ZNF843: variants seen among roughly 807,000 people sequenced by gnomAD.
ZNF843 encodes the protein zinc finger protein 843.
For synonymous variants in ZNF843, 185 were observed against 207.7 expected (o/e 0.89, Z 0.94); for missense variants, 482 against 469.4 (o/e 1.03, Z -0.25).
intron 1 of ZNF843, among the ~76,000 whole-genome samples, chr16:31,439,935 C>G (rs776603397): frequency 4.6e-5 from 7 of 152,168 alleles, no homozygotes; most frequent in Non-Finnish European, 1.0e-4. Flanking sequence ...AGATGTAACA[C>G]AGGTAGACAG....
At chr16:31,441,713 T>C (rs2082201702) in intron 1 of ZNF843, among the ~76,000 whole-genome samples, 1 of 151,984 alleles carries the variant, frequency 6.6e-6, no homozygotes, top group Non-Finnish European at 1.5e-5. Context: ...TCTCCAACTC[T>C]TGGGCTCAAG....
chr16:31,436,474 A>C lies in ZNF843; in HGVS notation c.376T>G (p.Trp126Gly), dbSNP rs1380342020. The C allele has an allele frequency of 1.5e-5, 24 of 1,551,542 alleles. No homozygotes were observed. Among genetic ancestry groups the C allele is most frequent in the Non-Finnish European group, 2.1e-5 (24 of 1,146,922 alleles). The change falls in exon 2 of 2, where the codon TGG (tryptophan) becomes GGG (glycine). Residue 126 changes from tryptophan (W) to glycine (G), a missense_variant. Transcript: ENST00000315678. ...GGCCGATCAGCTTCCACCGGTCCCC[A>C]AAAACCTGCTGGTACTGGGGACAGA... ...LRLSPVPAGF[W>G]GPVEADRPPA...
chr16:31,437,409 T>A (rs1436064284), intron 1 of ZNF843, among the ~76,000 whole-genome samples: 2 of 144,988 alleles, frequency 1.4e-5, no homozygotes, highest in African/African-American at 5.1e-5. Context: ...GCTCAAGTGA[T>A]CCTCCCGCTT....
chr16:31,440,060 T>G (rs2082196055), intron 1 of ZNF843, among the ~76,000 whole-genome samples: 1 of 152,220 alleles, frequency 6.6e-6, no homozygotes, highest in East Asian at 1.9e-4. Flanking sequence ...GGTACTATTC[T>G]AAGAGTTTCC....
chr16:31,435,822 G>A lies in ZNF843; in HGVS notation c.1028C>T (p.Ser343Phe), dbSNP rs1182634761. 5 of 1,460,336 alleles carry A rather than the reference G, an allele frequency of 3.4e-6. No homozygotes were observed. The highest frequency in any genetic ancestry group is 3.6e-6 in the Non-Finnish European group (4 of 1,101,524). 90.5% of individuals were successfully genotyped at this position (1,460,336 alleles called of 1,614,324 possible). ...FPVWKASSRR[S>F]NLARH ...GGTTCTTCAGTGTCGGGCCAGGTTG[G>A]ACCTCCGGCTGGAGGCCTTCCACAC... Residue 343 changes from serine to phenylalanine, a missense_variant, in exon 2 of 2, where the codon TCC becomes TTC. Coordinates refer to ENST00000315678, the MANE Select transcript of ZNF843 (RefSeq NM_001136509.3).
chr16:31,435,980 C>G lies in ZNF843; in HGVS notation c.870G>C (p.Glu290Asp). Residue 290 changes from glutamate (E) to aspartate (D), a missense_variant, in exon 2 of 2, where the codon GAG (glutamate) becomes GAC (aspartate). Coordinates refer to ENST00000315678, the MANE Select transcript of ZNF843 (RefSeq NM_001136509.3). Reference sequence around the variant, plus strand: ...TGTGCTGCGAGGCCTTCCGGGCTGGCTCAGGGTAGCCTGGGGCCTGAACCG... The same window carrying G: ...TGTGCTGCGAGGCCTTCCGGGCTGGGTCAGGGTAGCCTGGGGCCTGAACCG... ...REAVQAPGYP[E>D]PARKASQHRA... The G allele has an allele frequency of 6.6e-7, 1 of 1,524,590 alleles. No individual in the cohort carries two copies. The highest frequency in any genetic ancestry group is 8.8e-7 in the Non-Finnish European group (1 of 1,132,674). The allele number at this position is 1,524,590 out of a possible 1,614,324, so 94.4% of individuals were successfully genotyped here.
chr16:31,441,773 C>T (rs962502207), intron 1 of ZNF843, among the ~76,000 whole-genome samples: 6 of 152,152 alleles, frequency 3.9e-5, no homozygotes, highest in African/African-American at 1.4e-4. Flanking sequence ...AGACGTGAGC[C>T]GCAGCGCCCG....
chr16:31,440,376 T>C lies in ZNF843; in HGVS notation c.-336+2260A>G, dbSNP rs558296758. On this transcript the variant is annotated intron_variant, in intron 1 of 1. Transcript: ENST00000315678. ...ATGCATTTTAACTACTCCATAATCA[T>C]AGTTTAGACACAGAGCAAGAGGAAG... Among the ~76,000 whole-genome samples, 6 of 152,344 alleles carry C rather than the reference T, an allele frequency of 3.9e-5. No individual in the cohort carries two copies. In the East Asian group the frequency reaches 9.6e-4, roughly 24 times the overall value.
Position 31,436,066 on chromosome 16 carries a change from G to T in ZNF843, c.784C>A (p.Gln262Lys), listed in dbSNP as rs772155511. The T allele has an allele frequency of 1.3e-6, 2 of 1,548,532 alleles. No individual in the cohort carries two copies. The highest frequency in any genetic ancestry group is 1.7e-6 in the Non-Finnish European group (2 of 1,145,682). ...QVPPATQPAA[Q>K]QEGAMGPRSC... Reference sequence around the variant, plus strand: ...CTGGGCCCCATCGCCCCCTCCTGCTGAGCTGCCGGCTGGGTGGCTGGCGGA... The same window carrying T: ...CTGGGCCCCATCGCCCCCTCCTGCTTAGCTGCCGGCTGGGTGGCTGGCGGA... The change falls in exon 2 of 2, where the codon CAG becomes AAG. Residue 262 changes from glutamine to lysine, a missense_variant. Physicochemically the swap from Gln to Lys is moderately conservative, Grantham distance 53. Coordinates refer to ENST00000315678, the MANE Select transcript of ZNF843 (RefSeq NM_001136509.3).
intron 1 of ZNF843, among the ~76,000 whole-genome samples, 171 bp downstream of exon 1, chr16:31,442,465 C>A (rs2082204844): frequency 6.6e-6 from 1 of 152,170 alleles, no homozygotes; most frequent in South Asian, 2.1e-4. Context: ...GGACCACAGG[C>A]GTCCGCCACC....
chr16:31,436,566 C>T lies in ZNF843; in HGVS notation c.284G>A (p.Arg95Gln), dbSNP rs1054175952. The T allele has an allele frequency of 1.3e-6, 2 of 1,550,286 alleles. No individual in the cohort carries two copies. Among genetic ancestry groups the T allele is most frequent in the Non-Finnish European group, 8.7e-7 (1 of 1,146,048 alleles). The change falls in exon 2 of 2, where the codon CGG becomes CAG. Residue 95 changes from arginine to glutamine, a missense_variant. Physicochemically the swap from Arg to Gln is conservative, Grantham distance 43 (BLOSUM62 1). Coordinates refer to ENST00000315678, the MANE Select transcript of ZNF843 (RefSeq NM_001136509.3). ...GCAGAGCTGGCCGCTAAACCCTTGC[C>T]GCACTCCCGCAGACGAATGGCTTCT... ...LGRSHSSAGV[R>Q]QGFSGQLCCW... is the part of the protein sequence containing the mutation.
At chr16:31,438,209 C>A (rs1469345685) in intron 1 of ZNF843, among the ~76,000 whole-genome samples, 1 of 152,064 alleles carries the variant, frequency 6.6e-6, no homozygotes, top group Non-Finnish European at 1.5e-5. Context: ...CAAACACAAA[C>A]CATCAAAAAG....
intron 1 of ZNF843, among the ~76,000 whole-genome samples, chr16:31,437,601 C>T (rs560792627): frequency 1.3e-5 from 2 of 149,270 alleles, no homozygotes; most frequent in East Asian, 3.9e-4. Context: ...CTACCATGCC[C>T]GGCCTCCTAT....
Position 31,436,442 on chromosome 16 carries a change from C to T in ZNF843, c.408G>A (p.Ala136=), listed in dbSNP as rs1241733220. ...WGPVEADRPP[A]NSHRRVCPFC... ...AGGGACACACTCTCCTGTGTGAATT[C>T]GCTGGTGGCCGATCAGCTTCCACCG... is the stretch of plus-strand genomic sequence containing the variant. Residue 136 remains alanine (A), a synonymous_variant, in exon 2 of 2, where the codon GCG becomes GCA. Transcript: ENST00000315678. 2.6e-6 allele frequency: 4 copies of T among 1,551,540 alleles called. No homozygotes were observed. Among genetic ancestry groups the T allele is most frequent in the Admixed American group, 2.0e-5 (1 of 50,984 alleles).
chr16:31,438,497 A>C (rs1348323742), intron 1 of ZNF843, among the ~76,000 whole-genome samples: 1 of 152,022 alleles, frequency 6.6e-6, no homozygotes, highest in African/African-American at 2.4e-5. Flanking sequence ...ATTTTCCATT[A>C]CTTGGAAATG....
rs2142882106 is a variant in ZNF843, at chr16:31,436,116, A to G, written c.734T>C (p.Leu245Pro). The change falls in exon 2 of 2, where the codon CTG becomes CCG. Residue 245 changes from leucine to proline, a missense_variant. Transcript: ENST00000315678. ...AACCTGGGCAACTTCCAGGCCTCCC[A>G]GAGGCACTGCAGGCACTGCGGGAAG... ...SGLPAVPAVP[L>P]GGLEVAQVPP... The G allele has an allele frequency of 6.4e-7, 1 of 1,550,514 alleles. No individual in the cohort carries two copies. Among genetic ancestry groups the G allele is most frequent in the Non-Finnish European group, 8.7e-7 (1 of 1,146,516 alleles).
rs554255057 is a variant in ZNF843 at position 31,437,468 on chromosome 16, AT to A, written c.-335-285del. Among the ~76,000 whole-genome samples, 1,081 of 121,496 alleles carry A rather than the reference AT, an allele frequency of 8.9e-3. 13 individuals are homozygous for A. The highest frequency in any genetic ancestry group is 0.021 in the African/African-American group (717 of 33,378). 79.7% of individuals were successfully genotyped at this position (121,496 alleles called of 152,430 possible). The stretch of plus-strand genomic sequence containing the variant: ...GTAGTTGCACACCACTAGGCCCAGC[AT>A]TTTTTTTTTTTTTTTTGGTAGAAGC... On this transcript the variant is annotated intron_variant, in intron 1 of 1. Coordinates refer to ENST00000315678, the MANE Select transcript of ZNF843 (RefSeq NM_001136509.3).
At position 31,436,193 on chromosome 16, in the gene ZNF843, G is replaced by A. The variant is rs770664732; in HGVS notation, c.657C>T (p.Pro219=). 2 of 1,535,364 alleles carry A rather than the reference G, an allele frequency of 1.3e-6. No individual in the cohort carries two copies. The highest frequency in any genetic ancestry group is 2.5e-5 in the South Asian group (2 of 81,580). ...TGAGTGGGGGGCCAGGATAAAGGAA[G>A]GGAGGTCGGGGCAGGAGTGTGGATG... ...LPPSTLLPRP[P]FLYPGPPLSL... The change falls in exon 2 of 2, where the codon CCC becomes CCT. Residue 219 remains proline (P), a synonymous_variant. Transcript: ENST00000315678.
In ZNF843 at chr16:31,436,902, C is replaced by A; in HGVS notation, c.-53G>T. On this transcript the variant is annotated 5_prime_UTR_variant, in exon 2 of 2. Coordinates refer to ENST00000315678, the MANE Select transcript of ZNF843 (RefSeq NM_001136509.3). ...GGGAGTAACTGTACGGGAGGCTTTG[C>A]CGCACTTGGCGCAGCTGTGGGGCCT... 1 of 1,442,798 alleles carries A rather than the reference C, an allele frequency of 6.9e-7. No individual in the cohort carries two copies. The highest frequency in any genetic ancestry group is 9.2e-7 in the Non-Finnish European group (1 of 1,085,530). 89.4% of individuals were successfully genotyped at this position (1,442,798 alleles called of 1,614,324 possible). A position where few individuals can be genotyped will look rare whatever the true frequency, so the allele number is the denominator to read the frequency against.
Sources: gnomAD v4.1 joint callset for allele counts (sites outside exome capture counted in the v4.1 genomes callset) on GRCh38, gnomAD v4.1.1 for gene constraint, MANE v1.5 for transcripts, NCBI Gene and HGNC (gene_info 2026-07-23, HGNC 2026-07-21) for gene names.